The following AHCYL2 variants were observed in gnomAD, a reference collection of about 807,000 sequenced individuals.
AHCYL2 encodes the protein adenosylhomocysteinase like 2.
AHCYL2 carries 28 observed loss-of-function variants against 81.4 expected under a neutral mutation model. That is an observed-to-expected ratio of 0.34 (90% CI 0.25 to 0.47). The LOEUF (loss-of-function observed/expected upper bound fraction) is 0.47, where lower values mean the gene tolerates loss of function less well. Ranked by LOEUF, AHCYL2 falls within the 20% of genes least tolerant of loss-of-function variation. The pLI, the probability that AHCYL2 is intolerant of heterozygous loss-of-function variation, is 1.00. For missense variants in AHCYL2, 551 were observed against 785.1 expected (o/e 0.70, Z 3.56); for synonymous variants, 272 against 290.2 (o/e 0.94, Z 0.64).
chr7:129,306,372 A>T (rs1797442735), intron 1 of AHCYL2, among the ~76,000 whole-genome samples: 1 of 151,842 alleles, frequency 6.6e-6, no homozygotes, highest in Non-Finnish European at 1.5e-5. Flanking sequence ...TGCTATTAAG[A>T]GACTCTGATG....
At chr7:129,401,729 C>G (rs752333181) in intron 6 of AHCYL2, among the ~76,000 whole-genome samples, 5 of 152,166 alleles carry the variant, frequency 3.3e-5, no homozygotes, top group Non-Finnish European at 7.3e-5. Flanking sequence ...CAGGGGGTTT[C>G]TCCTGGGAAT....
intron 1 of AHCYL2, among the ~76,000 whole-genome samples, chr7:129,277,865 C>G (rs1796280242): frequency 1.3e-5 from 2 of 152,160 alleles, no homozygotes; most frequent in African/African-American, 4.8e-5. Context: ...TGGGTTATTT[C>G]CAGTTTGAGG....
At chr7:129,249,613 G>A (rs1795181163) in intron 1 of AHCYL2, among the ~76,000 whole-genome samples, 2 of 151,810 alleles carry the variant, frequency 1.3e-5, no homozygotes, top group East Asian at 2.0e-4. Flanking sequence ...TTTTAGTAGA[G>A]ACGGGGTTTC....
chr7:129,364,995 A>G (rs1012440096), intron 1 of AHCYL2, among the ~76,000 whole-genome samples: 1 of 152,230 alleles, frequency 6.6e-6, no homozygotes, highest in Non-Finnish European at 1.5e-5. Context: ...CCCAAAGTAT[A>G]ATTAAGAATA....
rs71162602 is a variant in AHCYL2, at chr7:129,409,852, A to ATT, written c.1366+315_1366+316dup. 8.1e-3 allele frequency among the ~76,000 whole-genome samples: 1,213 copies of ATT among 150,540 alleles called. 6 individuals carry two copies. Among genetic ancestry groups the ATT allele is most frequent in the Non-Finnish European group, 0.012 (797 of 67,556 alleles). On this transcript the variant is annotated intron_variant, in intron 11 of 16. Coordinates refer to ENST00000325006, the MANE Select transcript of AHCYL2 (RefSeq NM_015328.4). Reference sequence around the variant, plus strand: ...TAAAGTTTTATTTGGGAAGCCAGATATTTTTTTTTTCCAAAAATATATTTA... The same window carrying ATT: ...TAAAGTTTTATTTGGGAAGCCAGATATTTTTTTTTTTTCCAAAAATATATTTA...
At chr7:129,331,841 CA>C (rs1312617619) in intron 1 of AHCYL2, among the ~76,000 whole-genome samples, 10 of 148,848 alleles carry the variant, frequency 6.7e-5, no homozygotes, top group African/African-American at 9.8e-5. Flanking sequence ...GACTCCCTGT[CA>C]AAAAAAAATT....
chr7:129,252,174 A>G (rs1459099572), intron 1 of AHCYL2, among the ~76,000 whole-genome samples: 1 of 152,204 alleles, frequency 6.6e-6, no homozygotes, highest in African/African-American at 2.4e-5. Flanking sequence ...ATGCCATGAC[A>G]TACATGGAGA....
At position 129,389,129 on chromosome 7, in the gene AHCYL2, C is replaced by T. The variant is rs1795342657; in HGVS notation, c.549C>T (p.Ser183=). ...AGCAGCAAAAGAACTCTAAGGGAAG[C>T]AGTGACTTCTGTGTTAAGAACATCA... ...RDKQQKNSKG[S]SDFCVKNIKQ... The change falls in exon 3 of 17, where the codon AGC becomes AGT. Residue 183 remains serine, a synonymous_variant. Transcript: ENST00000325006. 6.2e-7 allele frequency: 1 copy of T among 1,613,916 alleles called. No individual in the cohort carries two copies. The highest frequency in any genetic ancestry group is 2.2e-5 in the East Asian group (1 of 44,866).
intron 1 of AHCYL2, among the ~76,000 whole-genome samples, chr7:129,354,472 A>G (rs1037009398): frequency 6.6e-6 from 1 of 152,214 alleles, no homozygotes; most frequent in African/African-American, 2.4e-5. Context: ...GGGCTGAGTA[A>G]GGAAATGTAA....
At chr7:129,288,286 A>G (rs1002209915) in intron 1 of AHCYL2, among the ~76,000 whole-genome samples, 2 of 148,710 alleles carry the variant, frequency 1.3e-5, no homozygotes, top group African/African-American at 2.5e-5. Context: ...TGCTGATTAC[A>G]TCTCTGTGGT....
intron 1 of AHCYL2, among the ~76,000 whole-genome samples, chr7:129,339,803 T>A (rs1296827469): frequency 1.3e-5 from 2 of 152,066 alleles, no homozygotes. Context: ...AGTGTGGGAC[T>A]ACAGGCATGA....
chr7:129,335,119 T>G (rs535336609), intron 1 of AHCYL2, among the ~76,000 whole-genome samples: 1 of 152,256 alleles, frequency 6.6e-6, no homozygotes, highest in South Asian at 2.1e-4. Context: ...TGGTGGCTCA[T>G]GCCTGTAATC....
chr7:129,325,808 C>T (rs889326395), intron 1 of AHCYL2, among the ~76,000 whole-genome samples: 8 of 151,680 alleles, frequency 5.3e-5, no homozygotes, highest in African/African-American at 1.9e-4. Flanking sequence ...TGGGTTCAAG[C>T]GATTCTCCCG....
intron 1 of AHCYL2, among the ~76,000 whole-genome samples, chr7:129,334,667 G>A (rs1798533057): frequency 6.6e-6 from 1 of 152,142 alleles, no homozygotes; most frequent in African/African-American, 2.4e-5. Context: ...CAGGAGGCTG[G>A]TACCTGCTAC....
At chr7:129,376,085 C>A (rs1310493445) in intron 1 of AHCYL2, among the ~76,000 whole-genome samples, 1 of 152,110 alleles carries the variant, frequency 6.6e-6, no homozygotes, top group Non-Finnish European at 1.5e-5. Flanking sequence ...CCCTCCCTTG[C>A]CTTAATGCCT....
At chr7:129,260,977 A>G (rs1310888696) in intron 1 of AHCYL2, among the ~76,000 whole-genome samples, 2 of 152,056 alleles carry the variant, frequency 1.3e-5, no homozygotes, top group Non-Finnish European at 2.9e-5. Flanking sequence ...TTTAGTAGAG[A>G]CAGTGTTTCA....
chr7:129,380,574 AGTT>A (rs1372304934), intron 2 of AHCYL2, among the ~76,000 whole-genome samples: 4 of 152,186 alleles, frequency 2.6e-5, no homozygotes, highest in African/African-American at 7.2e-5. Flanking sequence ...GTTGAAAAAC[AGTT>A]GTTTGGGAAG....
chr7:129,228,232 G>A (rs973046654), intron 1 of AHCYL2, among the ~76,000 whole-genome samples: 2 of 152,142 alleles, frequency 1.3e-5, no homozygotes, highest in African/African-American at 4.8e-5. Context: ...TTTATTTTAA[G>A]TCACATTTCC....
In AHCYL2 at chr7:129,424,939, T is replaced by C; in HGVS notation, c.1626T>C (p.Thr542=). The change falls in exon 14 of 17, where the codon ACT becomes ACC. Residue 542 remains threonine, a synonymous_variant. Transcript: ENST00000325006. ...TTGTGCTCTCAATCACTGCTACTAC[T>C]CAGGTAAGGCTTCCAGAGTGGGATA... is the stretch of plus-strand genomic sequence containing the variant. ...PTFVLSITAT[T]QALALIELYN... is the part of the protein sequence containing the mutation. The C allele has an allele frequency of 1.2e-6, 2 of 1,613,964 alleles. No individual in the cohort carries two copies. The highest frequency in any genetic ancestry group is 1.7e-6 in the Non-Finnish European group (2 of 1,180,004).
Sources: allele counts gnomAD v4.1 joint callset (sites outside exome capture counted in the v4.1 genomes callset), GRCh38; gene constraint gnomAD v4.1.1; transcripts MANE v1.5; gene names NCBI Gene and HGNC (gene_info 2026-07-23, HGNC 2026-07-21).